Variants in AMZ1 observed in about 807,000 individuals in gnomAD.
AMZ1 encodes archaelysin family metallopeptidase 1.
AMZ1 carries 39 observed loss-of-function variants against 29.9 expected under a neutral mutation model. The observed-to-expected ratio is 1.30, with a 90% CI of 1.01 to 1.70. The LOEUF is 1.70. AMZ1 is among the 40% of genes most tolerant of loss of function. The probability of loss-of-function intolerance (pLI) is 0.00; values close to 1 mark genes in which losing one functional copy is unlikely to be tolerated. For missense variants in AMZ1, 1,041 were observed against 680.6 expected, an observed-to-expected ratio of 1.53 and a Z score of -5.89; for synonymous variants, 458 against 304.0, an observed-to-expected ratio of 1.51 and a Z score of -5.27.
upstream of AMZ1, among the ~76,000 whole-genome samples, chr7:2,760,927 A>G (rs118150072): frequency 7.0e-4 from 107 of 152,132 alleles, 3 homozygotes; most frequent in East Asian, 0.017. Context: ...TCTGGCTGGC[A>G]CCTTCCCCAC....
intron 4 of AMZ1, chr7:2,733,609 A>G: frequency 1.3e-6 from 1 of 798,092 alleles, no homozygotes; most frequent in Non-Finnish European, 2.2e-6. Flanking sequence ...CCTCCGTGTG[A>G]ATGGGAAAGC....
chr7:2,736,040 C>T (rs1340989639), intron 4 of AMZ1, among the ~76,000 whole-genome samples: 8 of 152,192 alleles, frequency 5.3e-5, no homozygotes, highest in Non-Finnish European at 7.3e-5. Flanking sequence ...ACGCAGCCCA[C>T]GGGACGATCG....
chr7:2,713,959 T>TA lies in AMZ1; in HGVS notation c.*1082dup, dbSNP rs1788966960. The TA allele has an allele frequency of 6.6e-6, 1 of 152,226 alleles. No individual in the cohort carries two copies. The highest frequency in any genetic ancestry group is 1.5e-5 in the Non-Finnish European group (1 of 68,058). 9.4% of individuals were successfully genotyped at this position (152,226 alleles called of 1,614,324 possible). A position where few individuals can be genotyped will look rare whatever the true frequency, so the allele number is the denominator to read the frequency against. ...CTGTCAGTTGCTGAGAGAGGGGTAT[T>TA]ATTGCCATGGCTGGGCGTTTGATCT... is the stretch of plus-strand genomic sequence containing the variant. On this transcript the variant is annotated 3_prime_UTR_variant, in exon 7 of 7. Coordinates refer to ENST00000683327, the MANE Select transcript of AMZ1 (RefSeq NM_001384743.1).
intron 4 of AMZ1, among the ~76,000 whole-genome samples, chr7:2,758,028 GA>G (rs1038628086): frequency 2.6e-5 from 4 of 152,150 alleles, no homozygotes; most frequent in African/African-American, 9.7e-5. Context: ...TAAATGTCTG[GA>G]AAACCTCTTG....
downstream of AMZ1, among the ~76,000 whole-genome samples, chr7:2,720,914 G>C (rs1304731355): frequency 6.6e-6 from 1 of 152,156 alleles, no homozygotes; most frequent in Non-Finnish European, 1.5e-5. Context: ...CCTGGGCTCA[G>C]GCAATCCTAC....
chr7:2,694,040 C>T (rs1787560839), intron 1 of AMZ1, among the ~76,000 whole-genome samples: 1 of 152,198 alleles, frequency 6.6e-6, no homozygotes, highest in African/African-American at 2.4e-5. Context: ...CCCTTGGCAG[C>T]TAATGTCACT....
At chr7:2,723,288 G>C (rs181453935), downstream of AMZ1, among the ~76,000 whole-genome samples, 1 of 152,346 alleles carries the variant, frequency 6.6e-6, no homozygotes, top group East Asian at 1.9e-4. Flanking sequence ...GCACCTGTTT[G>C]CAGGGGAATG....
intron 1 of AMZ1, among the ~76,000 whole-genome samples, chr7:2,692,328 C>T (rs1484389484): frequency 6.6e-6 from 1 of 152,220 alleles, no homozygotes; most frequent in East Asian, 1.9e-4. Context: ...ATCATGAGGT[C>T]AGGAGATCGA....
chr7:2,707,818 CTTTTTTTT>C (rs60848680), intron 3 of AMZ1, among the ~76,000 whole-genome samples: 2,275 of 95,352 alleles, frequency 0.024, 31 homozygotes, highest in Middle Eastern at 0.053. Flanking sequence ...CTAACGAGGG[CTTTTTTTT>C]TTTTTTTTTT....
At chr7:2,763,191 A>AACACACACACACACACACACAC (rs56384682), upstream of AMZ1, 275 of 222,710 alleles carry the variant, frequency 1.2e-3, 3 homozygotes, top group African/African-American at 2.6e-3. Context: ...AAGACACCCC[A>AACACACACACACACACACACAC]ACACACACAC....
In AMZ1 at chr7:2,732,219, G is replaced by C. The variant is rs115940710; in HGVS notation, n.550+22403G>C. ...TTCTTTAAGTCTTTAGCGACACACA[G>C]GCAAGCATACTCTTCACTCACTTTG... On this transcript the variant is annotated intron_variant and non_coding_transcript_variant, in intron 4 of 4. Transcript: ENST00000489665. Among the ~76,000 whole-genome samples the C allele has an allele frequency of 1.3e-3, 199 of 152,248 alleles. 2 individuals are homozygous for C. The highest frequency in any genetic ancestry group is 4.5e-3 in the African/African-American group (185 of 41,530).
upstream of AMZ1, chr7:2,762,911 G>C: frequency 7.1e-7 from 1 of 1,415,886 alleles, no homozygotes; most frequent in Non-Finnish European, 9.3e-7. Flanking sequence ...GGGGAGAAGA[G>C]GCCACAGGCG....
chr7:2,687,109 A>AT (rs1193720999), upstream of AMZ1, among the ~76,000 whole-genome samples: 1 of 151,916 alleles, frequency 6.6e-6, no homozygotes, highest in Non-Finnish European at 1.5e-5. Flanking sequence ...CGGGTGTATC[A>AT]TGAGGTCAAG....
chr7:2,704,762 A>G (rs1172721089), intron 3 of AMZ1, among the ~76,000 whole-genome samples: 2 of 151,526 alleles, frequency 1.3e-5, no homozygotes, highest in South Asian at 2.1e-4. Flanking sequence ...GTGCCTGGCT[A>G]TTTTTTTGCA....
upstream of AMZ1, among the ~76,000 whole-genome samples, chr7:2,759,718 T>C (rs1049107603): frequency 6.6e-6 from 1 of 152,170 alleles, no homozygotes; most frequent in Admixed American, 6.5e-5. Context: ...AGGAGAGAGA[T>C]GTATACACTT....
intron 4 of AMZ1, among the ~76,000 whole-genome samples, chr7:2,734,308 C>A (rs531778643): frequency 3.3e-5 from 5 of 152,198 alleles, no homozygotes; most frequent in Non-Finnish European, 7.3e-5. Flanking sequence ...TCAAAGGTAG[C>A]GTATTAAAAA....
Position 2,700,709 on chromosome 7 carries a change from C to G in AMZ1, c.258C>G (p.His86Gln), listed in dbSNP as rs773859968. ...AGACCTTCCACGCCTCCCTGCAGCA[C>G]CGGAAGCCCCGCCTGGCTCGGAAGC... Reference protein sequence around the residue: ...DFQTFHASLQHRKPRLARKHI... With the variant: ...DFQTFHASLQQRKPRLARKHI... The change falls in exon 2 of 7, where the codon CAC (histidine) becomes CAG (glutamine). Residue 86 changes from histidine (H) to glutamine (Q), a missense_variant. Transcript: ENST00000683327. 33 of 1,613,060 alleles carry G rather than the reference C, an allele frequency of 2.0e-5. No individual in the cohort carries two copies. The highest frequency in any genetic ancestry group is 2.6e-5 in the Non-Finnish European group (31 of 1,180,044).
rs994628309 is a variant in AMZ1 at position 2,716,010 on chromosome 7, G to C, written c.*3132G>C. The C allele has an allele frequency of 2.0e-5, 3 of 152,218 alleles. No individual in the cohort carries two copies. The highest frequency in any genetic ancestry group is 6.5e-5 in the Admixed American group (1 of 15,284). 9.4% of individuals were successfully genotyped at this position (152,218 alleles called of 1,614,324 possible). ...TTCACAAGGATGGGTCTTCCAGCTT[G>C]ACGATGACCTCTCTTCGGAGAGCCT... On this transcript the variant is annotated 3_prime_UTR_variant, in exon 7 of 7. Coordinates refer to ENST00000683327, the MANE Select transcript of AMZ1 (RefSeq NM_001384743.1).
At chr7:2,752,732 C>G (rs1173277978) in intron 4 of AMZ1, among the ~76,000 whole-genome samples, 1 of 151,690 alleles carries the variant, frequency 6.6e-6, no homozygotes, top group Admixed American at 6.6e-5. Flanking sequence ...TTTTTTTTTG[C>G]CGTAACTTTT....
Sources: allele counts gnomAD v4.1 joint callset (sites outside exome capture counted in the v4.1 genomes callset), GRCh38; gene constraint gnomAD v4.1.1; transcripts MANE v1.5; gene names NCBI Gene and HGNC (gene_info 2026-07-23, HGNC 2026-07-21).